The following GRID2 variants were observed in gnomAD, a reference collection of about 807,000 sequenced individuals.
GRID2 encodes the protein glutamate receptor ionotropic, delta-2.
In GRID2, 33 loss-of-function variants were observed where a neutral mutation model predicts 114.8. The ratio of observed to expected loss-of-function variants is 0.29; its 90% CI spans 0.22 to 0.38. The LOEUF is 0.38. Among genes scored for constraint, GRID2 ranks in the 10% least tolerant of loss-of-function variants. The pLI is 1.00. For synonymous variants in GRID2, 505 were observed against 449.9 expected, an observed-to-expected ratio of 1.12 and a Z score of -1.55; for missense variants, 1,184 against 1,257.7, an observed-to-expected ratio of 0.94 and a Z score of 0.89.
chr4:92,826,366 C>A (rs958409181), intron 2 of GRID2, among the ~76,000 whole-genome samples: 3 of 152,122 alleles, frequency 2.0e-5, no homozygotes, highest in African/African-American at 7.2e-5. Flanking sequence ...GATGCACCAT[C>A]TAATGACGTT....
intron 1 of GRID2, among the ~76,000 whole-genome samples, chr4:92,411,133 A>G (rs1420953646): frequency 2.6e-5 from 4 of 152,148 alleles, no homozygotes; most frequent in Admixed American, 2.0e-4. Context: ...CTTGTTATTA[A>G]TATCAGAATT....
intron 2 of GRID2, among the ~76,000 whole-genome samples, chr4:92,861,151 T>C (rs781490323): frequency 1.8e-4 from 27 of 152,216 alleles, no homozygotes; most frequent in South Asian, 4.1e-4. Flanking sequence ...TCTACATCTA[T>C]ATTAGTTTTC....
chr4:93,481,259 G>A (rs920792717), intron 11 of GRID2, among the ~76,000 whole-genome samples: 1 of 152,066 alleles, frequency 6.6e-6, no homozygotes, highest in African/African-American at 2.4e-5. Flanking sequence ...TTGTGCAGAA[G>A]AAGGCTGATT....
At chr4:92,417,169 A>G (rs1731658160) in intron 1 of GRID2, among the ~76,000 whole-genome samples, 1 of 152,170 alleles carries the variant, frequency 6.6e-6, no homozygotes, top group Admixed American at 6.6e-5. Flanking sequence ...GTTAATAAAA[A>G]TAAATTTTTG....
intron 14 of GRID2, among the ~76,000 whole-genome samples, chr4:93,629,393 G>A (rs1743042537): frequency 6.6e-6 from 1 of 152,122 alleles, no homozygotes; most frequent in African/African-American, 2.4e-5. Flanking sequence ...GCAGGACCTG[G>A]CGATCATCAG....
intron 4 of GRID2, among the ~76,000 whole-genome samples, chr4:93,149,586 C>A (rs1409742432): frequency 2.4e-4 from 34 of 140,976 alleles, no homozygotes; most frequent in Admixed American, 5.8e-4. Flanking sequence ...AAAAAAAAAA[C>A]AAAAACAAGT....
chr4:92,782,888 A>T (rs1739151002), intron 2 of GRID2, among the ~76,000 whole-genome samples: 1 of 152,100 alleles, frequency 6.6e-6, no homozygotes, highest in African/African-American at 2.4e-5. Context: ...AGGCTACTTA[A>T]GGAAATTTTA....
At chr4:92,802,676 A>G (rs150818756) in intron 2 of GRID2, among the ~76,000 whole-genome samples, 31 of 152,020 alleles carry the variant, frequency 2.0e-4, no homozygotes, top group Admixed American at 2.0e-3. Flanking sequence ...ATTTGGATCT[A>G]TTTGTGGGCT....
intron 8 of GRID2, among the ~76,000 whole-genome samples, chr4:93,314,984 G>T (rs1362413517): frequency 2.0e-5 from 3 of 152,046 alleles, no homozygotes; most frequent in East Asian, 1.9e-4. Flanking sequence ...CCTGAGACTG[G>T]GTAATTTATA....
intron 2 of GRID2, among the ~76,000 whole-genome samples, chr4:92,778,249 C>T (rs556733306): frequency 2.8e-4 from 42 of 151,946 alleles, no homozygotes; most frequent in African/African-American, 8.2e-4. Flanking sequence ...TTTTTTAAAT[C>T]GACAATTGCT....
intron 2 of GRID2, among the ~76,000 whole-genome samples, chr4:92,970,890 A>G (rs945185713): frequency 1.3e-5 from 2 of 151,934 alleles, no homozygotes; most frequent in Admixed American, 6.6e-5. Context: ...CATGTTGCTT[A>G]TCACTGGTAA....
At chr4:92,822,131 G>A (rs780631035) in intron 2 of GRID2, 6 of 341,610 alleles carry the variant, frequency 1.8e-5, no homozygotes, top group Admixed American at 8.2e-5. Flanking sequence ...TTTCTATGGT[G>A]GTCTTGCCTT....
chr4:93,020,955 T>C (rs906599541), intron 2 of GRID2, among the ~76,000 whole-genome samples: 23 of 151,370 alleles, frequency 1.5e-4, no homozygotes, highest in African/African-American at 4.4e-4. Context: ...TCGCTTGCAC[T>C]GCAGGCAGAG....
At chr4:93,583,836 TC>T (rs1737246892) in intron 13 of GRID2, among the ~76,000 whole-genome samples, 1 of 152,146 alleles carries the variant, frequency 6.6e-6, no homozygotes, top group African/African-American at 2.4e-5. Flanking sequence ...TACATAGCCT[TC>T]AAGCTTTTTG....
intron 1 of GRID2, among the ~76,000 whole-genome samples, chr4:92,431,012 A>T (rs910510310): frequency 6.6e-6 from 1 of 152,042 alleles, no homozygotes; most frequent in African/African-American, 2.4e-5. Flanking sequence ...TTGTGGACTC[A>T]TTAGGTTTTT....
At chr4:93,553,610 G>C (rs1228675390) in intron 13 of GRID2, among the ~76,000 whole-genome samples, 1 of 152,104 alleles carries the variant, frequency 6.6e-6, no homozygotes, top group Admixed American at 6.6e-5. Flanking sequence ...AGGCTTGCAT[G>C]AGTTCATTAA....
intron 14 of GRID2, among the ~76,000 whole-genome samples, chr4:93,694,858 A>G (rs999099022): frequency 1.4e-4 from 22 of 152,112 alleles, no homozygotes; most frequent in African/African-American, 5.3e-4. Flanking sequence ...CTTAAACTCC[A>G]TATATTTGTA....
At chr4:93,184,507 CAA>C (rs1170737672) in intron 4 of GRID2, among the ~76,000 whole-genome samples, 3,562 of 79,512 alleles carry the variant, frequency 0.045, 99 homozygotes, top group African/African-American at 0.1. Context: ...TATTATTTCT[CAA>C]AAAAAAAAAA....
At chr4:92,744,653 C>T (rs751151207) in intron 2 of GRID2, among the ~76,000 whole-genome samples, 11 of 152,086 alleles carry the variant, frequency 7.2e-5, no homozygotes, top group Non-Finnish European at 1.3e-4. Flanking sequence ...AAGTGCCTTG[C>T]ACTTTTCTAG....
Sources: allele counts gnomAD v4.1 joint callset (sites outside exome capture counted in the v4.1 genomes callset), GRCh38; gene constraint gnomAD v4.1.1; transcripts MANE v1.5; gene names NCBI Gene and HGNC (gene_info 2026-07-23, HGNC 2026-07-21).